The following SYTL2 variants were observed in gnomAD, a reference collection of about 807,000 sequenced individuals.
SYTL2 encodes synaptotagmin-like protein 2.
In SYTL2, 165 loss-of-function variants were observed where a neutral mutation model predicts 198.7. The ratio of observed to expected loss-of-function variants is 0.83; its 90% CI spans 0.73 to 0.94. The LOEUF (loss-of-function observed/expected upper bound fraction) is 0.94, where lower values mean the gene tolerates loss of function less well. SYTL2 is among the 40% of genes least tolerant of loss of function. The pLI, the probability that SYTL2 is intolerant of heterozygous loss-of-function variation, is 0.00. For synonymous variants in SYTL2, 966 were observed against 917.7 expected (o/e 1.05, Z -0.95); for missense variants, 2,835 against 2,582.8 (o/e 1.10, Z -2.12).
At position 85,738,740 on chromosome 11, in the gene SYTL2, G is replaced by A. The variant is rs539015186; in HGVS notation, c.390-1084C>T. Among the ~76,000 whole-genome samples the A allele has an allele frequency of 1.0e-3, 153 of 152,308 alleles. 1 individual carries two copies. The highest frequency in any genetic ancestry group is 6.8e-3 in the Middle Eastern group (2 of 294). On this transcript the variant is annotated intron_variant, in intron 4 of 19. Transcript: ENST00000359152. The stretch of plus-strand genomic sequence containing the variant: ...TCGATGCTATGCTCAGTTTCTCAGA[G>A]TGTTCTGCATAATCTTCCTTAGTAA...
intron 11 of SYTL2, chr11:85,715,005 G>A (rs1162800410): frequency 1.8e-4 from 27 of 152,254 alleles, no homozygotes; most frequent in Admixed American, 1.7e-3. Flanking sequence ...TAGTGAGCAT[G>A]AGGATTACTT....
chr11:85,848,906 CATGTGGTATCTTTTTGCCA>C, the SYTL2 span, among the ~76,000 whole-genome samples: 1 of 152,122 alleles, frequency 6.6e-6, no homozygotes, highest in Non-Finnish European at 1.5e-5. Context: ...AAAAAAAAGA[CATGTGGTATCTTTTTGCCA>C]GAATTCTGGT....
the SYTL2 span, among the ~76,000 whole-genome samples, chr11:85,842,792 G>A: frequency 1.3e-4 from 20 of 152,276 alleles, no homozygotes; most frequent in South Asian, 2.9e-3. Context: ...GGAAGAATGC[G>A]AAGACAGGAA....
intron 2 of SYTL2, among the ~76,000 whole-genome samples, chr11:85,755,691 A>ATC (rs1220149416): frequency 2.0e-5 from 3 of 152,154 alleles, no homozygotes; most frequent in African/African-American, 7.2e-5. Context: ...CCCAAGAAAC[A>ATC]CCTTCACTCT....
At chr11:85,696,994 C>A (rs572002591) in intron 18 of SYTL2, among the ~76,000 whole-genome samples, 1 of 152,020 alleles carries the variant, frequency 6.6e-6, no homozygotes, top group Non-Finnish European at 1.5e-5. Flanking sequence ...TTTAACCTAC[C>A]ATGCCTCTTG....
Position 85,725,710 on chromosome 11 carries a change from G to A in SYTL2, c.3648C>T (p.Leu1216=). ...GTGAAGTTCCAGTTGCTTCCTTCAG[G>A]AGTTTGTCTAGACTAGCAGTCAAAG... ...RNSLTASLDK[L]LKEATGTSPS... is the part of the protein sequence containing the mutation. The change falls in exon 8 of 20, where the codon CTC becomes CTT. Residue 1216 remains leucine (L), a synonymous_variant. Transcript: ENST00000359152. 1 of 1,614,002 alleles carries A rather than the reference G, an allele frequency of 6.2e-7. No individual in the cohort carries two copies. Among genetic ancestry groups the A allele is most frequent in the Non-Finnish European group, 8.5e-7 (1 of 1,179,968 alleles).
chr11:85,709,194 GCAT>G (rs2085798920), intron 14 of SYTL2, 134 bp downstream of exon 14: 1 of 811,466 alleles, frequency 1.2e-6, no homozygotes. Context: ...GAATAAAACA[GCAT>G]TTCCCCCCAA....
chr11:85,817,230 C>T, the SYTL2 span, among the ~76,000 whole-genome samples: 10 of 151,960 alleles, frequency 6.6e-5, no homozygotes, highest in African/African-American at 2.2e-4. Flanking sequence ...TCGTGTATAC[C>T]CATTATTTCA....
intron 14 of SYTL2, chr11:85,708,006 C>A: frequency 3.2e-6 from 1 of 313,934 alleles, no homozygotes; most frequent in East Asian, 1.1e-4. Context: ...ACACACAGAG[C>A]TACAAAGTTA....
chr11:85,705,594 G>A (rs971622748), intron 15 of SYTL2, among the ~76,000 whole-genome samples: 3 of 152,106 alleles, frequency 2.0e-5, no homozygotes, highest in African/African-American at 7.2e-5. Flanking sequence ...TGCTGCATAT[G>A]GCCAAGTAGA....
chr11:85,751,472 A>G (rs1252576996), intron 2 of SYTL2, among the ~76,000 whole-genome samples: 1 of 152,176 alleles, frequency 6.6e-6, no homozygotes, highest in Non-Finnish European at 1.5e-5. Flanking sequence ...AGAAAGGGGT[A>G]AGTTTCTTGG....
the SYTL2 span, among the ~76,000 whole-genome samples, chr11:85,828,747 A>G: frequency 6.6e-6 from 1 of 152,234 alleles, no homozygotes; most frequent in Non-Finnish European, 1.5e-5. Context: ...TTAATAAATG[A>G]GGATGCTAAG....
chr11:85,807,455 C>CT lies in SYTL2; in HGVS notation c.-390+3498dup, dbSNP rs2092972958. Among the ~76,000 whole-genome samples the CT allele has an allele frequency of 2.6e-5, 4 of 152,246 alleles. 1 individual carries two copies. The South Asian group carries it at 8.3e-4, about 32-fold the overall frequency. On this transcript the variant is annotated intron_variant, in intron 1 of 19. Coordinates refer to ENST00000359152, the MANE Select transcript of SYTL2 (RefSeq NM_206927.4). ...CAATCCAAGTAACAAACAATAACAC[C>CT]TGACACTTGATCCTTATAGTGATTC...
In SYTL2 at chr11:85,734,516, T is replaced by A. The variant is rs770131640; in HGVS notation, c.813A>T (p.Arg271Ser). ...AACTGGAGTTGCGCTTGAGGATCCC[T>A]CTCGGAGCCCCTCTCGCTTTCAGGG... ...TDSLKARGAP[R>S]GILKRNSSSS... The change falls in exon 7 of 20, where the codon AGA becomes AGT. Residue 271 changes from arginine (R) to serine (S), a missense_variant. By Grantham distance (110) the Arg-to-Ser change is moderately radical. Transcript: ENST00000359152. 5.0e-6 allele frequency: 8 copies of A among 1,614,224 alleles called. No homozygotes were observed. The highest frequency in any genetic ancestry group is 6.8e-6 in the Non-Finnish European group (8 of 1,180,020).
At chr11:85,786,283 T>C (rs2092634341) in intron 1 of SYTL2, among the ~76,000 whole-genome samples, 1 of 152,142 alleles carries the variant, frequency 6.6e-6, no homozygotes, top group African/African-American at 2.4e-5. Flanking sequence ...TGGGTGTGAT[T>C]ATCAAAGAAC....
chr11:85,847,979 C>T, the SYTL2 span, among the ~76,000 whole-genome samples: 2 of 152,152 alleles, frequency 1.3e-5, no homozygotes, highest in Non-Finnish European at 2.9e-5. Flanking sequence ...ATGATCCCAG[C>T]ACTTTGGGAG....
At chr11:85,848,466 T>C in the SYTL2 span, among the ~76,000 whole-genome samples, 1 of 152,182 alleles carries the variant, frequency 6.6e-6, no homozygotes, top group South Asian at 2.1e-4. Context: ...AGTTAATTTT[T>C]TGTATGGTTT....
rs1382899576 is a variant in SYTL2 at position 85,725,669 on chromosome 11, G to T, written c.3689C>A (p.Ala1230Asp). ...TCCAGTGATAACAGGCGCCAACTTG[G>T]CTTGCAAGGGAGAGGGTGAAGTTCC... The part of the protein sequence containing the change: ...ATGTSPSPLQ[A>D]KLAPVITGTN... The change falls in exon 8 of 20, where the codon GCC (alanine) becomes GAC (aspartate). Residue 1230 changes from alanine (A) to aspartate (D), a missense_variant. By Grantham distance (126) the Ala-to-Asp change is moderately radical. Coordinates refer to ENST00000359152, the MANE Select transcript of SYTL2 (RefSeq NM_206927.4). 3.7e-6 allele frequency: 6 copies of T among 1,613,924 alleles called. No homozygotes were observed. The African/African-American group carries it at 6.7e-5, about 18-fold the overall frequency.
chr11:85,816,301 CT>C, the SYTL2 span, among the ~76,000 whole-genome samples: 1 of 152,160 alleles, frequency 6.6e-6, no homozygotes, highest in African/African-American at 2.4e-5. Context: ...CAACATTACA[CT>C]TTTTTAAAAA....
Sources: allele counts gnomAD v4.1 joint callset (sites outside exome capture counted in the v4.1 genomes callset), GRCh38; gene constraint gnomAD v4.1.1; transcripts MANE v1.5; gene names NCBI Gene and HGNC (gene_info 2026-07-23, HGNC 2026-07-21).